PELI1: variants seen among roughly 807,000 people sequenced by gnomAD.
The protein encoded by PELI1 is E3 ubiquitin-protein ligase pellino homolog 1.
PELI1 carries 15 observed loss-of-function variants against 41.3 expected under a neutral mutation model. That is an observed-to-expected ratio of 0.36 (90% CI 0.24 to 0.56). The LOEUF (loss-of-function observed/expected upper bound fraction) is 0.56. Among genes scored for constraint, PELI1 ranks in the 20% least tolerant of loss-of-function variants. PELI1 has a pLI of 0.82. For missense variants in PELI1, 403 were observed against 525.5 expected (o/e 0.77, Z 2.28); for synonymous variants, 178 against 180.1 (o/e 0.99, Z 0.09).
chr2:64,127,654 C>T (rs1007726038), intron 1 of PELI1, among the ~76,000 whole-genome samples: 2 of 152,020 alleles, frequency 1.3e-5, no homozygotes, highest in African/African-American at 4.8e-5. Flanking sequence ...ACTTTTTCCC[C>T]AACCCTCTAT....
rs574529763 is a variant in PELI1, at chr2:64,097,870, T to C, written c.304-1260A>G. On this transcript the variant is annotated intron_variant, in intron 4 of 6. Coordinates refer to ENST00000358912, the MANE Select transcript of PELI1 (RefSeq NM_020651.4). ...TGGATAGTTTTAGAGGGAAACTAGT[T>C]AACAAATATAAGATTGGATATTCCT... Among the ~76,000 whole-genome samples the C allele has an allele frequency of 1.3e-4, 20 of 152,322 alleles. No individual in the cohort carries two copies. The South Asian group carries it at 1.4e-3, about 11-fold the overall frequency.
At chr2:64,138,476 C>T (rs1681790316) in intron 1 of PELI1, among the ~76,000 whole-genome samples, 1 of 152,144 alleles carries the variant, frequency 6.6e-6, no homozygotes, top group Non-Finnish European at 1.5e-5. Flanking sequence ...ACCTGTAATC[C>T]CAGCACTTTG....
At chr2:64,130,584 C>T (rs1288176816) in intron 1 of PELI1, among the ~76,000 whole-genome samples, 2 of 152,186 alleles carry the variant, frequency 1.3e-5, no homozygotes, top group African/African-American at 2.4e-5. Context: ...TAAAGCTGAA[C>T]ACTCCTCCAA....
At chr2:64,139,707 C>G (rs1052847188) in intron 1 of PELI1, among the ~76,000 whole-genome samples, 4 of 152,202 alleles carry the variant, frequency 2.6e-5, no homozygotes, top group African/African-American at 9.7e-5. Flanking sequence ...GCATCTAGAC[C>G]TGTGACATGT....
chr2:64,100,647 T>C (rs1169806361), intron 3 of PELI1, 148 bp from the exon 4 acceptor site: 3 of 654,650 alleles, frequency 4.6e-6, no homozygotes, highest in East Asian at 5.5e-5. Flanking sequence ...TAATAACTCC[T>C]GTCAGCTGTG....
At chr2:64,112,568 T>C (rs1680839117) in intron 1 of PELI1, among the ~76,000 whole-genome samples, 1 of 152,334 alleles carries the variant, frequency 6.6e-6, no homozygotes, top group African/African-American at 2.4e-5. Context: ...CTTACTCTGC[T>C]TAGATCTCTT....
intron 1 of PELI1, among the ~76,000 whole-genome samples, chr2:64,143,758 C>A (rs1682000054): frequency 6.6e-6 from 1 of 152,120 alleles, no homozygotes; most frequent in African/African-American, 2.4e-5. Flanking sequence ...TCCTCCCCGC[C>A]ACCCGCAGAG....
At chr2:64,112,826 TG>T (rs1457715152) in intron 1 of PELI1, among the ~76,000 whole-genome samples, 10 of 152,292 alleles carry the variant, frequency 6.6e-5, no homozygotes, top group Non-Finnish European at 1.2e-4. Context: ...CTATTCTTCC[TG>T]GAACTTTTTT....
At chr2:64,134,839 T>C (rs575090746) in intron 1 of PELI1, among the ~76,000 whole-genome samples, 1 of 152,274 alleles carries the variant, frequency 6.6e-6, no homozygotes, top group African/African-American at 2.4e-5. Context: ...CAAAGCACTT[T>C]CAATTGTTTT....
Position 64,094,156 on chromosome 2 carries a change from G to A in PELI1, c.*546C>T, listed in dbSNP as rs138859911. On this transcript the variant is annotated 3_prime_UTR_variant, in exon 7 of 7. Transcript: ENST00000358912. Reference sequence around the variant, plus strand: ...TTGGGGTGGGGAGAGAGGCTCTCTCGTCCTTCTTCCTAACTTTGCAAATCC... The same window carrying A: ...TTGGGGTGGGGAGAGAGGCTCTCTCATCCTTCTTCCTAACTTTGCAAATCC... The A allele has an allele frequency of 2.0e-5, 3 of 152,522 alleles. No individual in the cohort carries two copies. Among genetic ancestry groups the A allele is most frequent in the Admixed American group, 6.5e-5 (1 of 15,270 alleles). The allele number at this position is 152,522 out of a possible 1,614,324, so 9.4% of individuals were successfully genotyped here.
intron 4 of PELI1, among the ~76,000 whole-genome samples, chr2:64,098,599 T>C (rs971459126): frequency 1.3e-5 from 2 of 152,202 alleles, no homozygotes; most frequent in African/African-American, 4.8e-5. Context: ...ACACAATCAA[T>C]GTGCTTAAGA....
chr2:64,139,465 G>A (rs1262359161), intron 1 of PELI1, among the ~76,000 whole-genome samples: 1 of 151,616 alleles, frequency 6.6e-6, no homozygotes, highest in Admixed American at 6.6e-5. Flanking sequence ...AATTTTTTAA[G>A]AAACTTCTTT....
chr2:64,139,617 TTTTA>T lies in PELI1; in HGVS notation c.-70+4460_-70+4463del, dbSNP rs575775392. On this transcript the variant is annotated intron_variant, in intron 1 of 6. Transcript: ENST00000358912. ...GCCATTTTTCTTAAAACGCAATGTA[TTTTA>T]TTTATTTTATGGTTTGTGTCTTATT... 2.2e-4 allele frequency among the ~76,000 whole-genome samples: 33 copies of T among 152,328 alleles called. No individual in the cohort carries two copies. The South Asian group carries it at 6.6e-3, about 31-fold the overall frequency.
At chr2:64,101,502 A>G (rs1476535165) in intron 3 of PELI1, among the ~76,000 whole-genome samples, 1 of 152,176 alleles carries the variant, frequency 6.6e-6, no homozygotes, top group Non-Finnish European at 1.5e-5. Flanking sequence ...AGATAATATC[A>G]AAGGAGGGGA....
chr2:64,108,197 T>C lies in PELI1; in HGVS notation c.71+43A>G, dbSNP rs1382378158. On this transcript the variant is annotated intron_variant, in intron 2 of 6. Coordinates refer to ENST00000358912, the MANE Select transcript of PELI1 (RefSeq NM_020651.4). ...TTTAGCCTAGATGCCAAAGTTAGCATATATTATTAAACTGTGTGTGTCATC... is the reference window on the plus strand; with the variant it reads ...TTTAGCCTAGATGCCAAAGTTAGCACATATTATTAAACTGTGTGTGTCATC... 4.7e-6 allele frequency: 5 copies of C among 1,070,584 alleles called. No homozygotes were observed. The South Asian group carries it at 5.6e-5, about 12-fold the overall frequency. The allele number at this position is 1,070,584 out of a possible 1,614,324, so 66.3% of individuals were successfully genotyped here.
Position 64,096,130 on chromosome 2 carries a change from T to C in PELI1, c.685A>G (p.Lys229Glu), listed in dbSNP as rs1439780713. Residue 229 changes from lysine (K) to glutamate (E), a missense_variant, in exon 6 of 7, where the codon AAA (lysine) becomes GAA (glutamate). Lys to Glu is a moderately conservative substitution (Grantham distance 56). Transcript: ENST00000358912. The part of the protein sequence containing the change: ...RETRSAQQRG[K>E]MVEIETNQLQ... ...AAATACCATTCAGTATTTACCATTT[T>C]TCCTCTCTGCTGAGCCGATCTGGTT... 2 of 1,609,732 alleles carry C rather than the reference T, an allele frequency of 1.2e-6. No individual in the cohort carries two copies. The highest frequency in any genetic ancestry group is 1.7e-6 in the Non-Finnish European group (2 of 1,176,776).
intron 3 of PELI1, among the ~76,000 whole-genome samples, chr2:64,104,124 G>C (rs1373691013): frequency 1.3e-5 from 2 of 152,214 alleles, no homozygotes; most frequent in African/African-American, 4.8e-5. Context: ...TGTAGATGCA[G>C]TTGGATATTG....
intron 1 of PELI1, among the ~76,000 whole-genome samples, chr2:64,121,219 T>C (rs1681198726): frequency 6.6e-6 from 1 of 152,222 alleles, no homozygotes; most frequent in African/African-American, 2.4e-5. Context: ...GATCCTGCCT[T>C]GTCATGTGAT....
At chr2:64,096,341 C>CAACTTGT in intron 5 of PELI1, 28 bp from the exon 6 acceptor site, 2 of 1,604,652 alleles carry the variant, frequency 1.2e-6, no homozygotes, top group Non-Finnish European at 1.7e-6. Context: ...AGTGAGCTTC[C>CAACTTGT]AACTTGTAAC....
Sources: gnomAD v4.1 joint callset for allele counts (sites outside exome capture counted in the v4.1 genomes callset) on GRCh38, gnomAD v4.1.1 for gene constraint, MANE v1.5 for transcripts, NCBI Gene and HGNC (gene_info 2026-07-23, HGNC 2026-07-21) for gene names.